The following TBCCD1 variants were observed in gnomAD, a reference collection of about 807,000 sequenced individuals.
The protein encoded by TBCCD1 is TBCC domain containing 1, also known as TBCC domain-containing protein 1.
TBCCD1 carries 26 observed loss-of-function variants against 53.4 expected under a neutral mutation model. The observed-to-expected ratio is 0.49, with a 90% CI of 0.36 to 0.68. The LOEUF is 0.68. Among genes scored for constraint, TBCCD1 ranks in the 30% least tolerant of loss-of-function variants. The pLI, the probability that TBCCD1 is intolerant of heterozygous loss-of-function variation, is 0.00. For missense variants in TBCCD1, 558 were observed against 669.5 expected, an observed-to-expected ratio of 0.83 and a Z score of 1.84; for synonymous variants, 245 against 241.7, an observed-to-expected ratio of 1.01 and a Z score of -0.13.
chr3:186,550,646 T>C (rs1714345153), intron 7 of TBCCD1, among the ~76,000 whole-genome samples: 1 of 152,190 alleles, frequency 6.6e-6, no homozygotes, highest in Non-Finnish European at 1.5e-5. Flanking sequence ...AATTTGTTTG[T>C]ATGCATATTC....
chr3:186,547,553 G>A (rs1714248362), intron 7 of TBCCD1, among the ~76,000 whole-genome samples: 1 of 150,804 alleles, frequency 6.6e-6, no homozygotes. Context: ...ACTGCGCTCA[G>A]CCAAATTGCT....
chr3:186,569,813 TAA>T (rs1232003972), upstream of TBCCD1, among the ~76,000 whole-genome samples: 6 of 152,096 alleles, frequency 3.9e-5, no homozygotes, highest in East Asian at 1.2e-3. Context: ...AGTTCAGAGG[TAA>T]AGAGTTGGAT....
intron 2 of TBCCD1, 28 bp from the exon 3 acceptor site, chr3:186,558,600 T>G: frequency 6.2e-7 from 1 of 1,607,196 alleles, no homozygotes; most frequent in Non-Finnish European, 8.5e-7. Flanking sequence ...AAAAGATGAA[T>G]AGACGTTTTA....
intron 1 of TBCCD1, among the ~76,000 whole-genome samples, chr3:186,565,323 C>G (rs956754250): frequency 2.6e-5 from 4 of 152,064 alleles, no homozygotes; most frequent in Non-Finnish European, 4.4e-5. Flanking sequence ...GTTGGCCAGG[C>G]TGATCTCAAA....
Position 186,546,101 on chromosome 3 carries a change from G to A in TBCCD1, c.*876C>T, listed in dbSNP as rs1714192563. 1 of 152,098 alleles carries A rather than the reference G, an allele frequency of 6.6e-6. No homozygotes were observed. The allele number at this position is 152,098 out of a possible 1,614,324, so 9.4% of individuals were successfully genotyped here. ...GTTTGTTTATTGAAAATTTGAAGCA[G>A]GAAGTGAAAAATAAAGATTTTTTTA... On this transcript the variant is annotated 3_prime_UTR_variant, in exon 8 of 8. Transcript: ENST00000338733.
chr3:186,565,099 T>C (rs1429431262), intron 1 of TBCCD1, among the ~76,000 whole-genome samples: 1 of 145,342 alleles, frequency 6.9e-6, no homozygotes, highest in Non-Finnish European at 1.5e-5. Context: ...TGTATTTCCT[T>C]CTTCTTCTTC....
At chr3:186,568,131 AAATTTACACAT>A (rs1714892043), upstream of TBCCD1, among the ~76,000 whole-genome samples, 1 of 152,178 alleles carries the variant, frequency 6.6e-6, no homozygotes, top group Admixed American at 6.5e-5. Context: ...CAGGGGCTTC[AAATTTACACAT>A]ACCTGGGTTA....
At chr3:186,568,732 C>G (rs1180316443), upstream of TBCCD1, among the ~76,000 whole-genome samples, 1 of 151,948 alleles carries the variant, frequency 6.6e-6, no homozygotes, top group Non-Finnish European at 1.5e-5. Flanking sequence ...TAAACCCAGT[C>G]TCTACTAAAA....
chr3:186,550,992 G>T, intron 7 of TBCCD1, 137 bp downstream of exon 7: 2 of 743,320 alleles, frequency 2.7e-6, no homozygotes, highest in African/African-American at 1.8e-5. Flanking sequence ...GTAAATATGG[G>T]TACATAAAGG....
At chr3:186,557,375 C>T (rs752636270) in intron 3 of TBCCD1, among the ~76,000 whole-genome samples, 1 of 152,118 alleles carries the variant, frequency 6.6e-6, no homozygotes, top group Non-Finnish European at 1.5e-5. Flanking sequence ...TGAATGGAGG[C>T]TACCTTGGCT....
rs979450897 is a variant in TBCCD1 at position 186,564,203 on chromosome 3, G to A, written c.127C>T (p.Arg43Trp). The A allele has an allele frequency of 6.8e-6, 11 of 1,614,140 alleles. No homozygotes were observed. Among genetic ancestry groups the A allele is most frequent in the South Asian group, 4.4e-5 (4 of 91,074 alleles). The change falls in exon 2 of 8, where the codon CGG becomes TGG. Residue 43 changes from arginine (R) to tryptophan (W), a missense_variant. Physicochemically the swap from Arg to Trp is moderately radical, Grantham distance 101. Coordinates refer to ENST00000338733, the MANE Select transcript of TBCCD1 (RefSeq NM_018138.5). The stretch of plus-strand genomic sequence containing the variant: ...CGCGGGTAAGCTCCTTCTGTGGCCC[G>A]GATTTGCACATAGGTGGATATCTTC... The part of the protein sequence containing the change: ...LRKISTYVQI[R>W]ATEGAYPRLY...
At chr3:186,555,110 T>C (rs377310323) in intron 4 of TBCCD1, 26 bp from the exon 5 acceptor site, 1 of 1,569,930 alleles carries the variant, frequency 6.4e-7, no homozygotes. Context: ...TATAAATAGA[T>C]GAGGCAGTAT....
intron 1 of TBCCD1, 143 bp downstream of exon 1, chr3:186,567,123 CG>C (rs1489929797): frequency 6.6e-6 from 1 of 152,274 alleles, no homozygotes; most frequent in African/African-American, 2.4e-5. Context: ...GCGTCGCGAC[CG>C]GACTTCAGGA....
At chr3:186,556,296 A>G in intron 4 of TBCCD1, 113 bp downstream of exon 4, 1 of 1,199,782 alleles carries the variant, frequency 8.3e-7, no homozygotes, top group South Asian at 1.7e-5. Context: ...CTTTTATAGG[A>G]GCAGTATTTT....
chr3:186,564,495 G>A, intron 1 of TBCCD1, 123 bp from the exon 2 acceptor site: 1 of 609,972 alleles, frequency 1.6e-6, no homozygotes, highest in South Asian at 2.7e-5. Flanking sequence ...TTAAAAGGCA[G>A]CTCTAGTTCA....
chr3:186,561,830 T>TA (rs1237259487), intron 2 of TBCCD1, among the ~76,000 whole-genome samples: 1 of 151,642 alleles, frequency 6.6e-6, no homozygotes, highest in Admixed American at 6.6e-5. Context: ...TCTCAAAAAA[T>TA]AAAAAAGAGA....
At chr3:186,568,376 G>T (rs1714897861), upstream of TBCCD1, among the ~76,000 whole-genome samples, 1 of 152,044 alleles carries the variant, frequency 6.6e-6, no homozygotes, top group South Asian at 2.1e-4. Flanking sequence ...TGGGGCGGGG[G>T]GTCAGGGAAG....
intron 7 of TBCCD1, among the ~76,000 whole-genome samples, chr3:186,547,855 T>C (rs4686788): frequency 0.81 from 122,903 of 151,938 alleles, 49,883 homozygotes; most frequent in East Asian, 0.9. Flanking sequence ...GATCCACCCG[T>C]CTCGGCCTCC....
chr3:186,548,702 A>G (rs1714281415), intron 7 of TBCCD1, among the ~76,000 whole-genome samples: 1 of 152,350 alleles, frequency 6.6e-6, no homozygotes, highest in Middle Eastern at 3.4e-3. Context: ...TCTAGTCCAC[A>G]GTTTTTTTAA....
Sources: gnomAD v4.1 joint callset for allele counts (sites outside exome capture counted in the v4.1 genomes callset) on GRCh38, gnomAD v4.1.1 for gene constraint, MANE v1.5 for transcripts, NCBI Gene and HGNC (gene_info 2026-07-23, HGNC 2026-07-21) for gene names.